The following CD244 variants were observed in gnomAD, a reference collection of about 807,000 sequenced individuals.
CD244 encodes CD244 molecule.
CD244 carries 20 observed loss-of-function variants against 45.5 expected under a neutral mutation model. That is an observed-to-expected ratio of 0.44 (90% confidence interval 0.31 to 0.64). The LOEUF is 0.64. CD244 is among the 30% of genes least tolerant of loss of function. The pLI is 0.08. For missense variants in CD244, 407 were observed against 426.9 expected (o/e 0.95, Z 0.41); for synonymous variants, 185 against 160.5 (o/e 1.15, Z -1.15).
Position 160,843,590 on chromosome 1 carries a change from C to T in CD244, c.62-1689G>A, listed in dbSNP as rs1412848. Among the ~76,000 whole-genome samples, 1,189 of 152,220 alleles carry T rather than the reference C, an allele frequency of 7.8e-3. 24 individuals are homozygous for T. Among genetic ancestry groups the T allele is most frequent in the South Asian group, 0.052 (249 of 4,814 alleles). On this transcript the variant is annotated intron_variant, in intron 1 of 8. Coordinates refer to ENST00000368034, the MANE Select transcript of CD244 (RefSeq NM_016382.4). ...CAGAACACTTTCATTCTACAGCATC[C>T]CCTTAATTGTTGAGATAAAAAATCA...
chr1:160,835,721 C>A (rs1669310107), intron 6 of CD244, among the ~76,000 whole-genome samples: 1 of 152,080 alleles, frequency 6.6e-6, no homozygotes, highest in Non-Finnish European at 1.5e-5. Context: ...AATAAAGAGA[C>A]CCTGTCTCTA....
At chr1:160,861,040 C>T (rs951620461) in intron 1 of CD244, among the ~76,000 whole-genome samples, 19 of 152,230 alleles carry the variant, frequency 1.2e-4, no homozygotes, top group African/African-American at 3.9e-4. Context: ...CTCTGTCACA[C>T]AGGCTCATGA....
intron 3 of CD244, 44 bp from the exon 4 acceptor site, chr1:160,839,093 C>T: frequency 7.1e-7 from 1 of 1,412,188 alleles, no homozygotes; most frequent in Non-Finnish European, 9.9e-7. Context: ...TCAGCTCGCT[C>T]TCTTCTTCCT....
Position 160,834,081 on chromosome 1 carries a change from T to G in CD244, c.930A>C (p.Thr310=). The G allele has an allele frequency of 6.2e-7, 1 of 1,612,228 alleles. No homozygotes were observed. The highest frequency in any genetic ancestry group is 2.2e-5 in the East Asian group (1 of 44,868). The change falls in exon 7 of 9, where the codon ACA becomes ACC. Residue 310 remains threonine, a synonymous_variant. Transcript: ENST00000368034. ...SAPTSQEPAY[T]LYSLIQPSRK... ...TGGAAGGCTGAATTAATGAATATAA[T>G]GTATATGCAGGTTCTTGTGACGTGG... is the stretch of plus-strand genomic sequence containing the variant.
rs1369871459 is a variant in CD244, at chr1:160,841,825, C to T, written c.138G>A (p.Thr46=). 1.2e-5 allele frequency: 20 copies of T among 1,614,100 alleles called. No individual in the cohort carries two copies. The highest frequency in any genetic ancestry group is 3.3e-5 in the Admixed American group (2 of 60,018). ...PLQLQPNSIQ[T]KVDSIAWKKL... ...TCTTCCATGCAATGCTGTCAACCTT[C>T]GTCTGTATGCTGTTTGGTTGTAACT... Residue 46 remains threonine (T), a synonymous_variant, in exon 2 of 9, where the codon ACG becomes ACA. Coordinates refer to ENST00000368034, the MANE Select transcript of CD244 (RefSeq NM_016382.4).
At chr1:160,849,187 G>C (rs1669834503) in intron 1 of CD244, among the ~76,000 whole-genome samples, 1 of 152,018 alleles carries the variant, frequency 6.6e-6, no homozygotes, top group South Asian at 2.1e-4. Flanking sequence ...CTTCTATGTT[G>C]ATGATTGTTA....
chr1:160,848,384 C>A, intron 1 of CD244: 1 of 564,130 alleles, frequency 1.8e-6, no homozygotes. Context: ...GGATGGCAAG[C>A]GTGTGGTATT....
rs1670361026 is a variant in CD244 at position 160,862,837 on chromosome 1, G to A, written c.-160C>T. The stretch of plus-strand genomic sequence containing the variant: ...CCTCAATTAGAGGCTGTTAACGCCT[G>A]CTGTGAGCTGACAAGGCCACTGAGA... On this transcript the variant is annotated 5_prime_UTR_variant, in exon 1 of 9. Transcript: ENST00000368034. 6 of 560,972 alleles carry A rather than the reference G, an allele frequency of 1.1e-5. No individual in the cohort carries two copies. The East Asian group carries it at 1.8e-4, about 17-fold the overall frequency. 34.7% of individuals were successfully genotyped at this position (560,972 alleles called of 1,614,324 possible). A position where few individuals can be genotyped will look rare whatever the true frequency, so the allele number is the denominator to read the frequency against.
At chr1:160,841,068 CAGGGCTACCCTGGGA>C in intron 3 of CD244, 127 bp downstream of exon 3, 1 of 766,632 alleles carries the variant, frequency 1.3e-6, no homozygotes, top group Non-Finnish European at 2.1e-6. Flanking sequence ...GCCTGGAGGC[CAGGGCTACCCTGGGA>C]AGGGCTACAA....
intron 5 of CD244, among the ~76,000 whole-genome samples, chr1:160,837,347 G>C (rs922421170): frequency 3.3e-5 from 5 of 152,146 alleles, no homozygotes; most frequent in Admixed American, 2.0e-4. Context: ...ACTGGCTGTG[G>C]GTAGATTCAC....
chr1:160,834,011 C>T (rs1303645626), intron 7 of CD244, 40 bp downstream of exon 7: 8 of 1,436,000 alleles, frequency 5.6e-6, no homozygotes, highest in Middle Eastern at 1.8e-4. Context: ...TACACATCTA[C>T]ATCAACAACA....
chr1:160,843,661 C>A (rs1669625106), intron 1 of CD244, among the ~76,000 whole-genome samples: 1 of 152,216 alleles, frequency 6.6e-6, no homozygotes, highest in South Asian at 2.1e-4. Flanking sequence ...TTAAGACATG[C>A]TAACCAATCC....
At chr1:160,841,013 A>T (rs577702375) in intron 3 of CD244, among the ~76,000 whole-genome samples, 197 bp downstream of exon 3, 25 of 152,166 alleles carry the variant, frequency 1.6e-4, no homozygotes, top group Non-Finnish European at 3.1e-4. Context: ...TAGGGATAAC[A>T]TTTTTTTCCA....
intron 8 of CD244, 21 bp from the exon 9 acceptor site, chr1:160,831,448 C>T: frequency 6.4e-7 from 1 of 1,564,564 alleles, no homozygotes; most frequent in Non-Finnish European, 8.8e-7. Context: ...AAAGGAGAAA[C>T]TTCAGACCCT....
chr1:160,852,400 A>T (rs920390975), intron 1 of CD244, among the ~76,000 whole-genome samples: 1 of 151,906 alleles, frequency 6.6e-6, no homozygotes, highest in Admixed American at 6.6e-5. Context: ...AAATGCAAAA[A>T]TTAGCAGAGC....
intron 2 of CD244, 23 bp from the exon 3 acceptor site, chr1:160,841,508 G>A (rs770643711): frequency 6.2e-7 from 1 of 1,613,660 alleles, no homozygotes; most frequent in East Asian, 2.2e-5. Context: ...ATTCTGATCA[G>A]AAAGGCATTG....
At chr1:160,857,048 C>A (rs746469332) in intron 1 of CD244, among the ~76,000 whole-genome samples, 25 of 152,194 alleles carry the variant, frequency 1.6e-4, no homozygotes, top group Non-Finnish European at 3.1e-4. Context: ...TCACATAACT[C>A]CTAAAAATGA....
Position 160,841,603 on chromosome 1 carries a change from C to G in CD244, c.360G>C (p.Thr120=). The G allele has an allele frequency of 6.2e-7, 1 of 1,614,016 alleles. No individual in the cohort carries two copies. The highest frequency in any genetic ancestry group is 1.1e-5 in the South Asian group (1 of 91,080). ...ACTTACCAAATACAAAAACCTGGAA[C>G]GTGGCTGTCTGAACTTTTCCAGATA... The part of the protein sequence containing the change: ...TSISGKVQTA[T]FQVFVFDKVE... The change falls in exon 2 of 9, where the codon ACG becomes ACC. Residue 120 remains threonine (T), a synonymous_variant. Transcript: ENST00000368034.
intron 7 of CD244, among the ~76,000 whole-genome samples, chr1:160,832,870 G>GTGTATATA (rs1336342075): frequency 5.2e-4 from 61 of 117,912 alleles, no homozygotes; most frequent in Middle Eastern, 4.6e-3. Context: ...GTGTGTGTGT[G>GTGTATATA]TATATATATA....
Sources: gnomAD v4.1 joint callset for allele counts (sites outside exome capture counted in the v4.1 genomes callset) on GRCh38, gnomAD v4.1.1 for gene constraint, MANE v1.5 for transcripts, NCBI Gene and HGNC (gene_info 2026-07-23, HGNC 2026-07-21) for gene names.